Variants in SPTAN1 observed in about 807,000 individuals in gnomAD.
SPTAN1 encodes the protein spectrin alpha, non-erythrocytic 1.
Under a neutral mutation model 331.3 loss-of-function variants are expected in SPTAN1, and 61 were observed. That is an observed-to-expected ratio of 0.18 (90% CI 0.15 to 0.23). SPTAN1 has a LOEUF of 0.23. Ranked by LOEUF, SPTAN1 falls within the 10% of genes least tolerant of loss-of-function variation. The pLI is 1.00. For synonymous variants in SPTAN1, 1,153 were observed against 1,173.9 expected, an observed-to-expected ratio of 0.98 and a Z score of 0.36; for missense variants, 2,043 against 3,147.9, an observed-to-expected ratio of 0.65 and a Z score of 8.40.
At chr9:128,567,072 G>C in intron 2 of SPTAN1, 95 bp downstream of exon 2, 2 of 1,539,762 alleles carry the variant, frequency 1.3e-6, no homozygotes, top group South Asian at 2.3e-5. Flanking sequence ...TTATGACCTT[G>C]AGAGATTGGA....
chr9:128,603,370 C>T (rs1320496406), intron 27 of SPTAN1, among the ~76,000 whole-genome samples, 173 bp from the exon 28 acceptor site: 1 of 152,152 alleles, frequency 6.6e-6, no homozygotes, highest in Admixed American at 6.5e-5. Flanking sequence ...TGGGTATTTT[C>T]ATGACATTCT....
chr9:128,597,531 C>T (rs1854469912), intron 24 of SPTAN1, among the ~76,000 whole-genome samples: 1 of 152,074 alleles, frequency 6.6e-6, no homozygotes, highest in African/African-American at 2.4e-5. Flanking sequence ...CCAAAAAAGA[C>T]AAAAAACTAC....
chr9:128,562,969 AAAATATATATATACATGTATGTGT>A (rs1441320397), intron 1 of SPTAN1, among the ~76,000 whole-genome samples: 3,181 of 130,138 alleles, frequency 0.024, 124 homozygotes, highest in African/African-American at 0.074. Context: ...CGTCTAAAAA[AAAATATATATATACATGTATGTGT>A]ATATATATAT....
chr9:128,570,328 ATATTT>A (rs1461547136), intron 3 of SPTAN1, among the ~76,000 whole-genome samples: 13 of 73,552 alleles, frequency 1.8e-4, no homozygotes, highest in East Asian at 8.0e-4. Flanking sequence ...ATATATATAT[ATATTT>A]TTTTTTTTTT....
In SPTAN1 at chr9:128,588,922, C is replaced by T. The variant is rs777441722; in HGVS notation, c.2985C>T (p.Thr995=). Residue 995 remains threonine (T), a synonymous_variant, in exon 21 of 57, where the codon ACC becomes ACT. Transcript: ENST00000372739. Reference sequence around the variant, plus strand: ...CCATGAAGAAGGGAGATATCCTTACCTTACTCAACAGCACCAACAAGGCAA... The same window carrying T: ...CCATGAAGAAGGGAGATATCCTTACTTTACTCAACAGCACCAACAAGGCAA... ...EVTMKKGDIL[T]LLNSTNKDWW... is the part of the protein sequence containing the mutation. 1.2e-5 allele frequency: 19 copies of T among 1,613,958 alleles called. No homozygotes were observed. Among genetic ancestry groups the T allele is most frequent in the East Asian group, 2.2e-5 (1 of 44,892 alleles).
intron 6 of SPTAN1, 37 bp downstream of exon 6, chr9:128,576,993 A>G: frequency 6.2e-7 from 1 of 1,613,916 alleles, no homozygotes; most frequent in African/African-American, 1.3e-5. Context: ...AATGGGTCTC[A>G]ACCTGGAGGG....
chr9:128,584,791 T>G lies in SPTAN1; in HGVS notation c.2508T>G (p.His836Gln). ...CCTTACAAGCAGAAATTGCTGGACA[T>G]GAACCACGCATCAAAGCAGTTACAC... ...HQALQAEIAG[H>Q]EPRIKAVTQK... Residue 836 changes from histidine (H) to glutamine (Q), a missense_variant, in exon 18 of 57, where the codon CAT (histidine) becomes CAG (glutamine). Transcript: ENST00000372739. The G allele has an allele frequency of 6.2e-7, 1 of 1,614,160 alleles. No homozygotes were observed. The highest frequency in any genetic ancestry group is 8.5e-7 in the Non-Finnish European group (1 of 1,180,036).
intron 9 of SPTAN1, among the ~76,000 whole-genome samples, chr9:128,579,429 A>G (rs188033225): frequency 1.6e-4 from 25 of 152,338 alleles, no homozygotes; most frequent in African/African-American, 5.8e-4. Flanking sequence ...CTGAAAAGCC[A>G]TTTGGAAAGG....
intron 27 of SPTAN1, among the ~76,000 whole-genome samples, chr9:128,602,220 T>G (rs1488410652): frequency 6.6e-6 from 1 of 150,596 alleles, no homozygotes; most frequent in East Asian, 1.9e-4. Flanking sequence ...GGGTTTTTTT[T>G]GTTTTTTTTT....
At chr9:128,587,797 A>G (rs1038631897) in intron 20 of SPTAN1, 99 bp downstream of exon 20, 24 of 878,768 alleles carry the variant, frequency 2.7e-5, no homozygotes, top group African/African-American at 8.3e-5. Flanking sequence ...TGACTCTGCT[A>G]TTAACTCTTG....
chr9:128,601,041 T>C (rs978155956), intron 27 of SPTAN1, among the ~76,000 whole-genome samples: 1 of 132,792 alleles, frequency 7.5e-6, no homozygotes, highest in African/African-American at 2.8e-5. Context: ...TGGAGTGCAG[T>C]GGCACGATCT....
chr9:128,571,375 A>G (rs1415198918), intron 3 of SPTAN1, among the ~76,000 whole-genome samples: 1 of 152,082 alleles, frequency 6.6e-6, no homozygotes, highest in Admixed American at 6.5e-5. Flanking sequence ...ATCTGAGGTC[A>G]GGAGTTCAAG....
rs779260779 is a variant in SPTAN1 at position 128,582,545 on chromosome 9, C to T, written c.1639C>T (p.Arg547Cys). 3.7e-6 allele frequency: 6 copies of T among 1,613,760 alleles called. No homozygotes were observed. The highest frequency in any genetic ancestry group is 2.7e-5 in the African/African-American group (2 of 74,924). The change falls in exon 13 of 57, where the codon CGC becomes TGC. Residue 547 changes from arginine (R) to cysteine (C), a missense_variant. Coordinates refer to ENST00000372739, the MANE Select transcript of SPTAN1 (RefSeq NM_001130438.3). ...NHYAMEDVAT[R>C]RDALLSRRNA... is the part of the protein sequence containing the mutation. ...CTATGCAATGGAAGATGTGGCCACT[C>T]GCCGAGATGCTGTAAGTTTGTAGGT...
intron 37 of SPTAN1, 123 bp downstream of exon 37, chr9:128,609,788 C>A: frequency 1.6e-6 from 1 of 631,564 alleles, no homozygotes; most frequent in Non-Finnish European, 2.6e-6. Context: ...CCATCCTTTT[C>A]ATTTCTAATC....
At chr9:128,592,683 C>A (rs1414267704) in intron 22 of SPTAN1, among the ~76,000 whole-genome samples, 1 of 152,206 alleles carries the variant, frequency 6.6e-6, no homozygotes, top group African/African-American at 2.4e-5. Flanking sequence ...TAAGGGTAGT[C>A]CAGTCTGTTC....
rs144289764 is a variant in SPTAN1 at position 128,626,599 on chromosome 9, A to G, written c.6488A>G (p.Lys2163Arg). The G allele has an allele frequency of 1.1e-4, 171 of 1,613,926 alleles. No individual in the cohort carries two copies. Among genetic ancestry groups the G allele is most frequent in the Middle Eastern group, 6.6e-4 (4 of 6,084 alleles). The change falls in exon 49 of 57, where the codon AAG (lysine) becomes AGG (arginine). Residue 2163 changes from lysine to arginine, a missense_variant. Transcript: ENST00000372739. ...NQLAELDRQI[K>R]SFRVASNPYT... is the part of the protein sequence containing the mutation. ...CTGGCCGAGCTGGACCGCCAGATCA[A>G]GAGCTTCCGCGTAGCCTCCAACCCC...
At position 128,566,916 on chromosome 9, in the gene SPTAN1, G is replaced by T. The variant is rs1589149853; in HGVS notation, c.176G>T (p.Trp59Leu). 4 of 1,614,166 alleles carry T rather than the reference G, an allele frequency of 2.5e-6. No individual in the cohort carries two copies. The East Asian group carries it at 8.9e-5, about 36-fold the overall frequency. Residue 59 changes from tryptophan to leucine, a missense_variant, in exon 2 of 57, where the codon TGG (tryptophan) becomes TTG (leucine). This residue lies in a region of SPTAN1 where 1,038 missense variants were observed against 1,531.5 expected (regional missense o/e 0.68). Transcript: ENST00000372739. Reference protein sequence around the residue: ...FQRDAEELEKWIQEKLQIASD... With the variant: ...FQRDAEELEKLIQEKLQIASD... ...AGAGATGCTGAAGAGCTGGAGAAAT[G>T]GATACAGGAAAAACTTCAGATTGCA...
At chr9:128,606,587 G>A (rs1004578220) in intron 31 of SPTAN1, among the ~76,000 whole-genome samples, 9 of 150,852 alleles carry the variant, frequency 6.0e-5, no homozygotes, top group African/African-American at 1.2e-4. Context: ...GGGTTCAAGC[G>A]ATTCTCCTGC....
intron 1 of SPTAN1, among the ~76,000 whole-genome samples, chr9:128,564,985 A>C (rs1279386628): frequency 6.6e-6 from 1 of 152,182 alleles, no homozygotes; most frequent in Non-Finnish European, 1.5e-5. Context: ...GGTCCTGCTC[A>C]AGAGGTGGGT....
Sources: allele counts gnomAD v4.1 joint callset (sites outside exome capture counted in the v4.1 genomes callset), GRCh38; gene constraint gnomAD v4.1.1; regional missense constraint gnomAD v4.1.1; transcripts MANE v1.5; gene names NCBI Gene and HGNC (gene_info 2026-07-23, HGNC 2026-07-21).